Variants in GSE1 observed in about 807,000 individuals in gnomAD.
GSE1 encodes the protein genetic suppressor element 1.
GSE1 carries 32 observed loss-of-function variants against 112.6 expected under a neutral mutation model. The observed-to-expected ratio is 0.28, with a 90% confidence interval of 0.21 to 0.38. GSE1 has a LOEUF of 0.38. Among genes scored for constraint, GSE1 ranks in the 10% least tolerant of loss-of-function variants. GSE1 has a pLI of 1.00. For missense variants in GSE1, 2,348 were observed against 1,699.2 expected (o/e 1.38, Z -6.71); for synonymous variants, 1,115 against 735.6 (o/e 1.52, Z -8.35).
intron 1 of GSE1, among the ~76,000 whole-genome samples, chr16:85,202,921 A>G (rs2075053608): frequency 6.6e-6 from 1 of 151,956 alleles, no homozygotes; most frequent in Non-Finnish European, 1.5e-5. Flanking sequence ...GGAAGGTCAG[A>G]GCCAGCCCTC....
intron 2 of GSE1, among the ~76,000 whole-genome samples, chr16:85,642,604 GGCTCTGGCCCTGCTAA>G (rs1195269481): frequency 6.6e-6 from 1 of 152,218 alleles, no homozygotes; most frequent in Non-Finnish European, 1.5e-5. Context: ...CGTCCCCTAG[GGCTCTGGCCCTGCTAA>G]GCTCTGGGCA....
intron 1 of GSE1, among the ~76,000 whole-genome samples, chr16:85,259,987 C>T (rs903006094): frequency 6.6e-6 from 1 of 152,242 alleles, no homozygotes; most frequent in Non-Finnish European, 1.5e-5. Context: ...AGGAGGAGGC[C>T]TACCGCAAGG....
chr16:85,432,086 T>C (rs1228144181), intron 2 of GSE1, among the ~76,000 whole-genome samples: 1 of 152,142 alleles, frequency 6.6e-6, no homozygotes, highest in Non-Finnish European at 1.5e-5. Context: ...TCTTCCCCCA[T>C]AAACGACCAC....
At chr16:85,646,899 G>GT (rs1015106970) in intron 2 of GSE1, among the ~76,000 whole-genome samples, 2 of 151,970 alleles carry the variant, frequency 1.3e-5, no homozygotes, top group African/African-American at 2.4e-5. Flanking sequence ...ACAAGGGGGG[G>GT]GGTGGGGGCT....
chr16:85,235,117 C>G (rs1567628086), intron 1 of GSE1, among the ~76,000 whole-genome samples: 1 of 151,978 alleles, frequency 6.6e-6, no homozygotes, highest in Non-Finnish European at 1.5e-5. Flanking sequence ...GGGCCCCAGA[C>G]TCCTCACCGC....
At chr16:85,537,551 C>A (rs980829688) in intron 2 of GSE1, among the ~76,000 whole-genome samples, 1 of 152,194 alleles carries the variant, frequency 6.6e-6, no homozygotes, top group South Asian at 2.1e-4. Flanking sequence ...GCTCCCATGG[C>A]GCAGGAACCC....
intron 2 of GSE1, among the ~76,000 whole-genome samples, chr16:85,528,812 T>TA (rs1017005551): frequency 1.3e-5 from 2 of 152,112 alleles, no homozygotes; most frequent in African/African-American, 4.8e-5. Context: ...TGATTATTGA[T>TA]AAAGCCCTTT....
intron 1 of GSE1, among the ~76,000 whole-genome samples, chr16:85,571,871 G>A (rs1012134985): frequency 4.6e-5 from 7 of 152,152 alleles, no homozygotes; most frequent in African/African-American, 1.7e-4. Context: ...TCCATGAAAT[G>A]GGGAAGTGAG....
intron 2 of GSE1, among the ~76,000 whole-genome samples, chr16:85,492,113 A>T (rs1021935355): frequency 1.3e-5 from 2 of 152,190 alleles, no homozygotes; most frequent in South Asian, 4.1e-4. Context: ...AGCGGGTGCC[A>T]GACAGGCTTG....
rs1429482141 is a variant in GSE1, at chr16:85,666,309, T to A, written c.3092T>A (p.Val1031Glu). Reference protein sequence around the residue: ...EEFAHQFHESVLQSTQKALQK... With the variant: ...EEFAHQFHESELQSTQKALQK... The stretch of plus-strand genomic sequence containing the variant: ...TTTGCACATCAGTTCCACGAGTCAG[T>A]GCTGCAGTCCACCCAGAAGGCCCTG... The change falls in exon 13 of 16, where the codon GTG (valine) becomes GAG (glutamate). Residue 1031 changes from valine (V) to glutamate (E), a missense_variant. Transcript: ENST00000253458. 2 of 1,613,870 alleles carry A rather than the reference T, an allele frequency of 1.2e-6. No homozygotes were observed.
At chr16:85,523,885 A>T (rs772532568) in intron 2 of GSE1, among the ~76,000 whole-genome samples, 3 of 152,232 alleles carry the variant, frequency 2.0e-5, no homozygotes, top group Non-Finnish European at 2.9e-5. Flanking sequence ...GGCGGGGTCA[A>T]CAGGCCCAGG....
intron 2 of GSE1, among the ~76,000 whole-genome samples, chr16:85,416,501 G>T (rs1421171102): frequency 6.6e-6 from 1 of 152,150 alleles, no homozygotes; most frequent in African/African-American, 2.4e-5. Context: ...CCGGAAGGAG[G>T]TGCAGCCCCT....
intron 1 of GSE1, among the ~76,000 whole-genome samples, chr16:85,194,563 A>T (rs1322189545): frequency 6.6e-6 from 1 of 152,174 alleles, no homozygotes; most frequent in Non-Finnish European, 1.5e-5. Flanking sequence ...GTGGACCCTT[A>T]GCAGGGCCCC....
At chr16:85,523,229 G>GTGTGTTGTGTGCGTGTGAC (rs2052250074) in intron 2 of GSE1, among the ~76,000 whole-genome samples, 1 of 146,952 alleles carries the variant, frequency 6.8e-6, no homozygotes, top group Admixed American at 6.7e-5. Context: ...TGTGTCCCCT[G>GTGTGTTGTGTGCGTGTGAC]TGTGTTGTGT....
intron 2 of GSE1, among the ~76,000 whole-genome samples, chr16:85,394,214 C>T (rs1008929345): frequency 6.0e-5 from 9 of 150,656 alleles, no homozygotes; most frequent in South Asian, 4.2e-4. Flanking sequence ...GGGAGGCAGC[C>T]GGGGGCCGGG....
intron 1 of GSE1, among the ~76,000 whole-genome samples, chr16:85,200,948 CG>C (rs1278792992): frequency 1.3e-5 from 2 of 152,194 alleles, no homozygotes; most frequent in African/African-American, 4.8e-5. Context: ...AGGCCAGAGA[CG>C]AACTGACCCT....
rs760863700 is a variant in GSE1 at position 85,661,420 on chromosome 16, C to T, written c.1915C>T (p.Arg639Trp). The change falls in exon 9 of 16, where the codon CGG (arginine) becomes TGG (tryptophan). Residue 639 changes from arginine (R) to tryptophan (W), a missense_variant. Transcript: ENST00000253458. ...CCCGGAGAAAGCAGAGGAGGGGCCA[C>T]GGAAGCGTGAGCCTGCCCCTCTGGA... The part of the protein sequence containing the change: ...FCPEKAEEGP[R>W]KREPAPLDKY... 7 of 1,612,012 alleles carry T rather than the reference C, an allele frequency of 4.3e-6. No individual in the cohort carries two copies. Among genetic ancestry groups the T allele is most frequent in the East Asian group, 4.5e-5 (2 of 44,868 alleles).
chr16:85,423,657 G>T (rs2048902822), intron 2 of GSE1, among the ~76,000 whole-genome samples: 1 of 152,150 alleles, frequency 6.6e-6, no homozygotes, highest in Non-Finnish European at 1.5e-5. Flanking sequence ...TGGGTGGGGT[G>T]TGGCCTGGTG....
rs546144048 is a variant in GSE1 at position 85,366,434 on chromosome 16, G to A, written c.2464+8791G>A. 5.9e-5 allele frequency among the ~76,000 whole-genome samples: 9 copies of A among 152,326 alleles called. No homozygotes were observed. The East Asian group carries it at 1.3e-3, about 23-fold the overall frequency. On this transcript the variant is annotated intron_variant, in intron 2 of 2. Transcript: ENST00000637419. ...ATCCATAGTCTGTTTCCCTCTCCACGACCAATCTATTTATCTTCTCTGGAA... is the reference window on the plus strand; with the variant it reads ...ATCCATAGTCTGTTTCCCTCTCCACAACCAATCTATTTATCTTCTCTGGAA...
Sources: gnomAD v4.1 joint callset for allele counts (sites outside exome capture counted in the v4.1 genomes callset) on GRCh38, gnomAD v4.1.1 for gene constraint, MANE v1.5 for transcripts, NCBI Gene and HGNC (gene_info 2026-07-23, HGNC 2026-07-21) for gene names.